The following SV2B variants were observed in gnomAD, a reference collection of about 807,000 sequenced individuals.
SV2B encodes the protein synaptic vesicle glycoprotein 2B, also known as solute carrier family 22 member B2.
In SV2B, 41 loss-of-function variants were observed where a neutral mutation model predicts 73.9. That is an observed-to-expected ratio of 0.56 (90% CI 0.43 to 0.72). SV2B has a LOEUF of 0.72. SV2B is among the 30% of genes least tolerant of loss of function. SV2B has a pLI of 0.00. For missense variants in SV2B, 764 were observed against 857.8 expected (o/e 0.89, Z 1.37); for synonymous variants, 314 against 314.2 (o/e 1.00, Z 0.01).
intron 1 of SV2B, among the ~76,000 whole-genome samples, chr15:91,221,697 A>ACGCGCG (rs1257150475): frequency 8.8e-6 from 1 of 113,244 alleles, no homozygotes; most frequent in African/African-American, 5.4e-5. Context: ...ATGTGCGCAC[A>ACGCGCG]CACACACACA....
rs551416875 is a variant in SV2B, at chr15:91,106,770, C to A, written c.-392+6407C>A. 6.6e-6 allele frequency among the ~76,000 whole-genome samples: 1 copy of A among 152,242 alleles called. No homozygotes were observed. The highest frequency in any genetic ancestry group is 6.5e-5 in the Admixed American group (1 of 15,304). The stretch of plus-strand genomic sequence containing the variant: ...GTACTGCTCTTAATTTAAGATGAGG[C>A]AGAAGCAAGGAAGAATCTTGAAAGG... On this transcript the variant is annotated intron_variant, in intron 1 of 12. Transcript: ENST00000394232. This position sits in a 1 kb window ranked among gnomAD's most constrained non-coding sequence, Gnocchi z 4.4.
At chr15:91,168,331 A>AGAGAGAGT (rs58086579) in intron 1 of SV2B, among the ~76,000 whole-genome samples, 1 of 151,062 alleles carries the variant, frequency 6.6e-6, no homozygotes, top group East Asian at 1.9e-4. Flanking sequence ...AGAGAGAGAG[A>AGAGAGAGT]AAAGAAATTT....
chr15:91,277,490 C>T (rs2048531770), intron 9 of SV2B, among the ~76,000 whole-genome samples: 1 of 152,158 alleles, frequency 6.6e-6, no homozygotes, highest in South Asian at 2.1e-4. Flanking sequence ...TTGTGGTCAG[C>T]CCTTTCTCCA....
chr15:91,278,473 C>T (rs12916045), intron 9 of SV2B, among the ~76,000 whole-genome samples: 8,193 of 151,488 alleles, frequency 0.054, 339 homozygotes, highest in South Asian at 0.16. Context: ...GTCAGGAGAT[C>T]GAGACCATCC....
rs2048195322 is a variant in SV2B at position 91,268,770 on chromosome 15, C to G, written c.1373+165C>G. On this transcript the variant is annotated intron_variant, in intron 9 of 12. Transcript: ENST00000394232. This position sits in a 1 kb window ranked among gnomAD's most constrained non-coding sequence, Gnocchi z 4.4. ...ATGGCTGCCAGTGACGCCATAGCTCCCCTAGTGGCTGTGTCTGTGTTGTGC... is the reference window on the plus strand; with the variant it reads ...ATGGCTGCCAGTGACGCCATAGCTCGCCTAGTGGCTGTGTCTGTGTTGTGC... Among the ~76,000 whole-genome samples the G allele has an allele frequency of 6.6e-6, 1 of 152,174 alleles. No homozygotes were observed. Among genetic ancestry groups the G allele is most frequent in the Non-Finnish European group, 1.5e-5 (1 of 68,038 alleles).
At chr15:91,221,182 A>T (rs555592471) in intron 1 of SV2B, among the ~76,000 whole-genome samples, 1 of 152,166 alleles carries the variant, frequency 6.6e-6, no homozygotes, top group Non-Finnish European at 1.5e-5. Flanking sequence ...TATGATGACC[A>T]CAACAATAAT....
intron 1 of SV2B, among the ~76,000 whole-genome samples, chr15:91,119,487 G>A (rs1412251214): frequency 6.6e-6 from 1 of 152,144 alleles, no homozygotes; most frequent in Non-Finnish European, 1.5e-5. Flanking sequence ...CGTTTGCCAT[G>A]GATTTGGAAA....
At chr15:91,154,006 C>T (rs962000485) in intron 1 of SV2B, among the ~76,000 whole-genome samples, 5 of 151,810 alleles carry the variant, frequency 3.3e-5, no homozygotes, top group South Asian at 2.1e-4. Context: ...TATAGGGCCA[C>T]TGTTCTCATC....
intron 5 of SV2B, among the ~76,000 whole-genome samples, chr15:91,259,892 G>A (rs1314373028): frequency 6.6e-6 from 1 of 152,100 alleles, no homozygotes; most frequent in African/African-American, 2.4e-5. Flanking sequence ...CCCTATTTCC[G>A]AATAAAGTCA....
intron 2 of SV2B, among the ~76,000 whole-genome samples, chr15:91,251,033 C>T (rs908280034): frequency 2.0e-5 from 3 of 152,182 alleles, no homozygotes; most frequent in Non-Finnish European, 4.4e-5. Context: ...GATAGCACCA[C>T]ACTACTTGCT....
chr15:91,297,071 G>C lies in SV2B; in HGVS notation c.*4519G>C, dbSNP rs183688280. The C allele has an allele frequency of 7.0e-6, 1 of 142,472 alleles. No individual in the cohort carries two copies. Among genetic ancestry groups the C allele is most frequent in the Non-Finnish European group, 1.5e-5 (1 of 66,058 alleles). The allele number at this position is 142,472 out of a possible 1,614,324, so 8.8% of individuals were successfully genotyped here. ...GGGCGCACGCTCCTTCTGCCTGATC[G>C]TTGGGCGCACGCTCCTTCTGCCTGA... On this transcript the variant is annotated 3_prime_UTR_variant, in exon 13 of 13. Coordinates refer to ENST00000394232, the MANE Select transcript of SV2B (RefSeq NM_001323032.3). The surrounding 1 kb of genome is among the most constrained non-coding windows in gnomAD (Gnocchi z 5.1).
chr15:91,249,080 A>T (rs1370939019), intron 2 of SV2B, among the ~76,000 whole-genome samples: 12 of 142,326 alleles, frequency 8.4e-5, no homozygotes, highest in Non-Finnish European at 1.5e-4. Context: ...ACACACACAC[A>T]CACACACACA....
chr15:91,227,144 C>G lies in SV2B; in HGVS notation c.451+430C>G, dbSNP rs1330082641. On this transcript the variant is annotated intron_variant, in intron 2 of 12. Coordinates refer to ENST00000394232, the MANE Select transcript of SV2B (RefSeq NM_001323032.3). The surrounding 1 kb of genome is among the most constrained non-coding windows in gnomAD (Gnocchi z 4.5). ...TTCCACTTGGTCCTTCTCTCTGTGT[C>G]TTTCCAGAGTCCGATGGTGTCTGTT... Among the ~76,000 whole-genome samples the G allele has an allele frequency of 6.6e-6, 1 of 152,156 alleles. No individual in the cohort carries two copies. Among genetic ancestry groups the G allele is most frequent in the Non-Finnish European group, 1.5e-5 (1 of 68,014 alleles).
At position 91,115,251 on chromosome 15, in the gene SV2B, C is replaced by T. The variant is rs549615755; in HGVS notation, c.-392+14888C>T. On this transcript the variant is annotated intron_variant, in intron 1 of 12. Coordinates refer to ENST00000394232, the MANE Select transcript of SV2B (RefSeq NM_001323032.3). This position sits in a 1 kb window ranked among gnomAD's most constrained non-coding sequence, Gnocchi z 4.3. Reference sequence around the variant, plus strand: ...GAAGAGGACATGGGTCCTGAGCAGGCGAAACCCACAGACGTCCACCACACA... The same window carrying T: ...GAAGAGGACATGGGTCCTGAGCAGGTGAAACCCACAGACGTCCACCACACA... 3.5e-4 allele frequency among the ~76,000 whole-genome samples: 53 copies of T among 152,258 alleles called. No homozygotes were observed. Among genetic ancestry groups the T allele is most frequent in the Non-Finnish European group, 5.6e-4 (38 of 68,020 alleles).
Position 91,229,075 on chromosome 15 carries a change from C to G in SV2B, c.451+2361C>G, listed in dbSNP as rs1211088386. Among the ~76,000 whole-genome samples, 1 of 152,230 alleles carries G rather than the reference C, an allele frequency of 6.6e-6. No individual in the cohort carries two copies. Among genetic ancestry groups the G allele is most frequent in the African/African-American group, 2.4e-5 (1 of 41,464 alleles). ...CATTCTGCCACACCATACTGCCTTT[C>G]TCTCACGCCTCGTTTGTGGGAAGGA... On this transcript the variant is annotated intron_variant, in intron 2 of 12. Transcript: ENST00000394232. The surrounding 1 kb of genome is among the most constrained non-coding windows in gnomAD (Gnocchi z 4.3).
At chr15:91,262,598 C>T (rs991785388) in intron 6 of SV2B, among the ~76,000 whole-genome samples, 4 of 152,002 alleles carry the variant, frequency 2.6e-5, no homozygotes, top group African/African-American at 9.7e-5. Context: ...TCTCTTCTGC[C>T]CCCTTCCTCC....
chr15:91,201,180 G>A (rs141833063), intron 1 of SV2B, among the ~76,000 whole-genome samples: 1 of 152,286 alleles, frequency 6.6e-6, no homozygotes, highest in African/African-American at 2.4e-5. Context: ...TCTCTGGGAA[G>A]CAAGTGTCCA....
rs372744444 is a variant in SV2B at position 91,289,510 on chromosome 15, T to A, written c.1709-11T>A. On this transcript the variant is annotated splice_polypyrimidine_tract_variant and intron_variant, in intron 11 of 12. Transcript: ENST00000394232. The surrounding 1 kb of genome is among the most constrained non-coding windows in gnomAD (Gnocchi z 4.9). ...CTCATGTTTCTTTTTGCCCTTGAAC[T>A]CCCTCTGCAGGTGGCTCCATGCTAA... 3.0e-5 allele frequency: 49 copies of A among 1,614,054 alleles called. No individual in the cohort carries two copies. Among genetic ancestry groups the A allele is most frequent in the Non-Finnish European group, 4.2e-5 (49 of 1,180,002 alleles).
intron 6 of SV2B, among the ~76,000 whole-genome samples, chr15:91,264,799 T>C (rs112520095): frequency 0.014 from 2,059 of 152,098 alleles, 45 homozygotes; most frequent in African/African-American, 0.047. Context: ...GGAGGAAGGA[T>C]GTGCAGGCAG....
Sources: allele counts gnomAD v4.1 joint callset (sites outside exome capture counted in the v4.1 genomes callset), GRCh38; gene constraint gnomAD v4.1.1; non-coding constraint Gnocchi (gnomAD v3.1); transcripts MANE v1.5; gene names NCBI Gene and HGNC (gene_info 2026-07-23, HGNC 2026-07-21).